The following NEK1 variants were observed in gnomAD, a reference collection of about 807,000 sequenced individuals.
NEK1 encodes the protein serine/threonine-protein kinase Nek1.
In NEK1, 137 loss-of-function variants were observed where a neutral mutation model predicts 182.1. That is an observed-to-expected ratio of 0.75 (90% CI 0.65 to 0.87). The LOEUF is 0.87. NEK1 is among the 40% of genes least tolerant of loss of function. The probability of loss-of-function intolerance (pLI) is 0.00; values close to 1 mark genes in which losing one functional copy is unlikely to be tolerated. For missense variants in NEK1, 1,391 were observed against 1,494.4 expected (o/e 0.93, Z 1.14); for synonymous variants, 513 against 492.2 (o/e 1.04, Z -0.56).
intron 29 of NEK1, 50 bp downstream of exon 29, chr4:169,433,495 T>G (rs781454588): frequency 1.3e-6 from 2 of 1,552,688 alleles, no homozygotes; most frequent in Non-Finnish European, 1.7e-6. Context: ...TCTTAAAAGT[T>G]ATTACAAAAG....
chr4:169,576,055 C>T (rs1410607891), intron 12 of NEK1, among the ~76,000 whole-genome samples: 1 of 151,774 alleles, frequency 6.6e-6, no homozygotes, highest in Non-Finnish European at 1.5e-5. Flanking sequence ...ACCTCCGCCT[C>T]CCCGGTTCAA....
intron 18 of NEK1, among the ~76,000 whole-genome samples, chr4:169,545,823 G>T (rs927442168): frequency 6.6e-6 from 1 of 151,936 alleles, no homozygotes. Flanking sequence ...ATTTTTTCAT[G>T]TGTTTTTTGG....
intron 18 of NEK1, among the ~76,000 whole-genome samples, chr4:169,550,017 T>A (rs1761176973): frequency 6.6e-6 from 1 of 152,126 alleles, no homozygotes; most frequent in Non-Finnish European, 1.5e-5. Context: ...TTATTCCTCA[T>A]AAAATTTTTC....
intron 23 of NEK1, among the ~76,000 whole-genome samples, chr4:169,499,135 G>A (rs973827130): frequency 9.9e-5 from 15 of 151,734 alleles, no homozygotes; most frequent in Admixed American, 6.6e-4. Flanking sequence ...AACTCTTCTC[G>A]CTTCATTTCA....
chr4:169,428,008 G>A (rs1455110825), intron 29 of NEK1, among the ~76,000 whole-genome samples: 1 of 150,980 alleles, frequency 6.6e-6, no homozygotes, highest in Non-Finnish European at 1.5e-5. Context: ...TTTCTGTAGA[G>A]GTGGGGTCTT....
At chr4:169,479,098 T>C (rs561513352) in intron 24 of NEK1, among the ~76,000 whole-genome samples, 67 of 152,250 alleles carry the variant, frequency 4.4e-4, no homozygotes, top group African/African-American at 1.4e-3. Flanking sequence ...TCATGAGGGT[T>C]GGGTAGAAAA....
intron 23 of NEK1, among the ~76,000 whole-genome samples, chr4:169,485,029 A>G (rs1468508038): frequency 1.3e-5 from 2 of 152,244 alleles, no homozygotes; most frequent in Non-Finnish European, 2.9e-5. Context: ...CAAGTTTCTC[A>G]TCTTTAGAAT....
intron 18 of NEK1, among the ~76,000 whole-genome samples, chr4:169,545,361 C>T (rs1244841198): frequency 6.6e-6 from 1 of 151,900 alleles, no homozygotes; most frequent in Admixed American, 6.6e-5. Context: ...TCATCCATGT[C>T]CCTACAAAGG....
At chr4:169,482,277 T>A (rs1232402161) in intron 23 of NEK1, among the ~76,000 whole-genome samples, 5 of 152,048 alleles carry the variant, frequency 3.3e-5, no homozygotes, top group African/African-American at 1.2e-4. Context: ...AGAAGGCTGT[T>A]TTGCTTTCTT....
chr4:169,410,286 C>T (rs562463490), intron 31 of NEK1, among the ~76,000 whole-genome samples: 3 of 151,754 alleles, frequency 2.0e-5, no homozygotes, highest in African/African-American at 7.3e-5. Flanking sequence ...TTTTAGGAAA[C>T]CTTAAAATGT....
intron 11 of NEK1, among the ~76,000 whole-genome samples, chr4:169,578,190 G>A (rs143718774): frequency 6.6e-6 from 1 of 152,018 alleles, no homozygotes; most frequent in Admixed American, 6.6e-5. Flanking sequence ...AACACCCTAA[G>A]GTAATAAAAA....
At chr4:169,443,971 G>A (rs1471592273) in intron 27 of NEK1, among the ~76,000 whole-genome samples, 4 of 152,150 alleles carry the variant, frequency 2.6e-5, no homozygotes, top group Non-Finnish European at 5.9e-5. Flanking sequence ...AAAAATGAAG[G>A]AGAAATAAAG....
intron 23 of NEK1, among the ~76,000 whole-genome samples, chr4:169,487,529 T>C (rs193074755): frequency 7.9e-4 from 121 of 152,336 alleles, no homozygotes; most frequent in Non-Finnish European, 1.2e-3. Context: ...TTCCATGGTG[T>C]ATATGTACCG....
chr4:169,438,006 T>C (rs1738740614), intron 28 of NEK1, 77 bp downstream of exon 28: 1 of 1,076,704 alleles, frequency 9.3e-7, no homozygotes, highest in African/African-American at 1.6e-5. Context: ...CAAATTTTGA[T>C]AATCTGTTTA....
At chr4:169,450,096 G>T (rs1163325571) in intron 27 of NEK1, among the ~76,000 whole-genome samples, 10 of 152,118 alleles carry the variant, frequency 6.6e-5, no homozygotes. Context: ...AAGATCAAAT[G>T]AATGAAATAA....
At chr4:169,578,106 C>T (rs1446974947) in intron 11 of NEK1, among the ~76,000 whole-genome samples, 1 of 151,572 alleles carries the variant, frequency 6.6e-6, no homozygotes, top group Non-Finnish European at 1.5e-5. Context: ...AAGAATAAAC[C>T]CTGCAGTATT....
chr4:169,423,350 AC>A (rs1407721737), intron 31 of NEK1, among the ~76,000 whole-genome samples: 2 of 152,080 alleles, frequency 1.3e-5, no homozygotes, highest in Non-Finnish European at 2.9e-5. Context: ...TGATCCGCCC[AC>A]CCCAGCTTCC....
chr4:169,463,132 A>G (rs1744278814), intron 27 of NEK1, 111 bp downstream of exon 27: 1 of 610,150 alleles, frequency 1.6e-6, no homozygotes, highest in African/African-American at 1.9e-5. Flanking sequence ...AATTATTATA[A>G]GAGAAAGATA....
intron 2 of NEK1, among the ~76,000 whole-genome samples, chr4:169,609,122 T>C (rs900219826): frequency 2.0e-5 from 3 of 151,814 alleles, no homozygotes; most frequent in Admixed American, 2.0e-4. Context: ...AAGTTTTATG[T>C]TATGTATATT....
Sources: gnomAD v4.1 joint callset for allele counts (sites outside exome capture counted in the v4.1 genomes callset) on GRCh38, gnomAD v4.1.1 for gene constraint, MANE v1.5 for transcripts, NCBI Gene and HGNC (gene_info 2026-07-23, HGNC 2026-07-21) for gene names.